The following RNASEH2B variants were observed in gnomAD, a reference collection of about 807,000 sequenced individuals.
RNASEH2B encodes the protein ribonuclease H2 subunit B, also known as Aicardi-Goutieres syndrome 2 protein.
RNASEH2B carries 36 observed loss-of-function variants against 45.0 expected under a neutral mutation model. The ratio of observed to expected loss-of-function variants is 0.80; its 90% CI spans 0.61 to 1.06. The LOEUF (loss-of-function observed/expected upper bound fraction) is 1.06. Ranked by LOEUF, RNASEH2B falls within the 50% of genes least tolerant of loss-of-function variation. RNASEH2B has a pLI of 0.00. For synonymous variants in RNASEH2B, 119 were observed against 125.7 expected (o/e 0.95, Z 0.35); for missense variants, 361 against 360.3 (o/e 1.00, Z -0.02).
intron 4 of RNASEH2B, among the ~76,000 whole-genome samples, chr13:50,932,180 G>T (rs1029490690): frequency 1.3e-5 from 2 of 152,160 alleles, no homozygotes; most frequent in East Asian, 1.9e-4. Flanking sequence ...TAATACCGGG[G>T]TCTGAATCAC....
chr13:50,919,290 G>A (rs993702877), intron 1 of RNASEH2B, among the ~76,000 whole-genome samples: 2 of 152,156 alleles, frequency 1.3e-5, no homozygotes, highest in South Asian at 4.1e-4. Context: ...TACCATTTTG[G>A]CTTGTACAAT....
rs1951648514 is a variant in RNASEH2B, at chr13:50,929,476, A to G, written c.138A>G (p.Gly46=). Residue 46 remains glycine, a splice_region_variant and synonymous_variant, in exon 3 of 11, where the codon GGA becomes GGG. Coordinates refer to ENST00000336617, the MANE Select transcript of RNASEH2B (RefSeq NM_024570.4). ...MFVKLVNPCS[G]EGAIYLFNMC... ...TAAAAGACAGATTTGTCTTAACAGG[A>G]GAAGGAGCCATTTACTTGTTCAATA... 6.2e-6 allele frequency: 10 copies of G among 1,606,736 alleles called. No individual in the cohort carries two copies. Among genetic ancestry groups the G allele is most frequent in the Non-Finnish European group, 8.5e-6 (10 of 1,173,456 alleles).
At chr13:50,954,147 A>T (rs1013988153) in intron 10 of RNASEH2B, 162 bp downstream of exon 10, 43 of 676,524 alleles carry the variant, frequency 6.4e-5, no homozygotes, top group Non-Finnish European at 1.0e-4. Context: ...GCATATGACA[A>T]TGAAAATGTT....
chr13:50,967,798 C>G (rs910126141), intron 9 of RNASEH2B, among the ~76,000 whole-genome samples: 1 of 152,228 alleles, frequency 6.6e-6, no homozygotes, highest in South Asian at 2.1e-4. Context: ...CTCCCAAACA[C>G]CCCTTTCTCT....
chr13:50,943,528 A>C, intron 6 of RNASEH2B, 134 bp downstream of exon 6: 1 of 704,022 alleles, frequency 1.4e-6, no homozygotes, highest in Non-Finnish European at 2.6e-6. Context: ...GTGTAGAGAT[A>C]CCAAGTATGA....
chr13:50,928,932 CTTTTTTTTTT>C (rs35147830), intron 2 of RNASEH2B, among the ~76,000 whole-genome samples: 16 of 87,878 alleles, frequency 1.8e-4, no homozygotes, highest in African/African-American at 4.4e-4. Context: ...TGCCTCCTCC[CTTTTTTTTTT>C]TTTTTTTTTT....
At chr13:50,912,136 A>T in intron 1 of RNASEH2B, 1 of 151,486 alleles carries the variant, frequency 6.6e-6, no homozygotes, top group South Asian at 2.1e-4. Flanking sequence ...CTGTGTGGTC[A>T]GGGGGGCAGG....
At chr13:50,952,965 A>G (rs1951996280) in intron 9 of RNASEH2B, 1 of 152,062 alleles carries the variant, frequency 6.6e-6, no homozygotes, top group African/African-American at 2.4e-5. Context: ...CACCAACTCT[A>G]CCCGTTCTTT....
rs1041079228 is a variant in RNASEH2B at position 50,930,838 on chromosome 13, A to G, written c.321+79A>G. On this transcript the variant is annotated intron_variant, in intron 4 of 10. Transcript: ENST00000336617. ...GTTTGATCTCCTCTCTCTCCTTTTA[A>G]TGATCCAAAGGTGGATTCTACCTTC... The G allele has an allele frequency of 2.6e-5, 28 of 1,059,214 alleles. No individual in the cohort carries two copies. The African/African-American group carries it at 3.3e-4, about 12-fold the overall frequency. The allele number at this position is 1,059,214 out of a possible 1,614,324, so 65.6% of individuals were successfully genotyped here.
rs1262344752 is a variant in RNASEH2B, at chr13:50,925,189, A to G, written c.65-2218A>G. ...ATTAATTTTATCCAGTGTATTTTTC[A>G]TCTTTAGAAATTCAATTTAGGTATT... On this transcript the variant is annotated intron_variant, in intron 1 of 10. Transcript: ENST00000336617. 6.0e-5 allele frequency among the ~76,000 whole-genome samples: 9 copies of G among 150,868 alleles called. No homozygotes were observed. The East Asian group carries it at 1.7e-3, about 29-fold the overall frequency.
At chr13:50,910,195 G>A in intron 1 of RNASEH2B, 55 bp downstream of exon 1, 1 of 1,258,470 alleles carries the variant, frequency 7.9e-7, no homozygotes, top group Non-Finnish European at 1.0e-6. Context: ...GGAGCGGCCC[G>A]CGACCCCGGG....
At position 50,956,758 on chromosome 13, in the gene RNASEH2B, C is replaced by A; in HGVS notation, c.*284C>A. On this transcript the variant is annotated 3_prime_UTR_variant, in exon 11 of 11. Transcript: ENST00000336617. The stretch of plus-strand genomic sequence containing the variant: ...ATTTTCTCAATAAACTGATGTGTGA[C>A]AATGTTAGAGTGTATGACTGCTTTT... 1 of 1,178,712 alleles carries A rather than the reference C, an allele frequency of 8.5e-7. No homozygotes were observed. The highest frequency in any genetic ancestry group is 1.1e-6 in the Non-Finnish European group (1 of 940,130). 73.0% of individuals were successfully genotyped at this position (1,178,712 alleles called of 1,614,324 possible). A position where few individuals can be genotyped will look rare whatever the true frequency, so the allele number is the denominator to read the frequency against.
intron 1 of RNASEH2B, chr13:50,927,101 TAAGACCCTTGCCCAGGGTGACA>T: frequency 2.8e-6 from 1 of 355,102 alleles, no homozygotes; most frequent in Non-Finnish European, 5.4e-6. Context: ...GACAGGAGAT[TAAGACCCTTGCCCAGGGTGACA>T]AAGCTATCCA....
chr13:50,952,190 T>C (rs1049954496), intron 9 of RNASEH2B: 1 of 152,154 alleles, frequency 6.6e-6, no homozygotes, highest in Non-Finnish European at 1.5e-5. Context: ...AAGGGAATAA[T>C]GTCTAAGTGT....
intron 7 of RNASEH2B, among the ~76,000 whole-genome samples, chr13:50,947,386 A>AGTGTGTGTGTGTGT (rs34501133): frequency 2.7e-4 from 39 of 145,888 alleles, no homozygotes; most frequent in African/African-American, 7.4e-4. Flanking sequence ...TTAGTTTGGG[A>AGTGTGTGTGTGTGT]GTGTGTGTGT....
intron 9 of RNASEH2B, 72 bp from the exon 10 acceptor site, chr13:50,953,833 G>A: frequency 9.7e-7 from 1 of 1,027,566 alleles, no homozygotes; most frequent in Non-Finnish European, 1.5e-6. Context: ...TATACATGTT[G>A]GGTTTTTTTT....
At chr13:50,926,690 G>C (rs951832728) in intron 1 of RNASEH2B, among the ~76,000 whole-genome samples, 2 of 152,074 alleles carry the variant, frequency 1.3e-5, no homozygotes, top group South Asian at 4.1e-4. Flanking sequence ...GTCTTTCTAA[G>C]TGTGATACAA....
intron 1 of RNASEH2B, among the ~76,000 whole-genome samples, chr13:50,917,270 C>T (rs113019267): frequency 1.2e-4 from 19 of 152,298 alleles, no homozygotes; most frequent in Non-Finnish European, 2.1e-4. Context: ...CTAGCTACCA[C>T]GTCGTTTCAC....
At chr13:50,939,381 G>C (rs1951806651) in intron 5 of RNASEH2B, among the ~76,000 whole-genome samples, 1 of 126,942 alleles carries the variant, frequency 7.9e-6, no homozygotes, top group African/African-American at 3.0e-5. Flanking sequence ...TTAGCCAGCT[G>C]TGGTGGTATG....
Sources: allele counts gnomAD v4.1 joint callset (sites outside exome capture counted in the v4.1 genomes callset), GRCh38; gene constraint gnomAD v4.1.1; transcripts MANE v1.5; gene names NCBI Gene and HGNC (gene_info 2026-07-23, HGNC 2026-07-21).